The following SPON1 variants were observed in gnomAD, a reference collection of about 807,000 sequenced individuals.
SPON1 encodes the protein spondin-1.
Under a neutral mutation model 111.7 loss-of-function variants are expected in SPON1, and 52 were observed. The observed-to-expected ratio is 0.47, with a 90% CI of 0.37 to 0.59. SPON1 has a LOEUF of 0.59. SPON1 is among the 20% of genes least tolerant of loss of function. The pLI is 0.00. For missense variants in SPON1, 957 were observed against 1,068.5 expected (o/e 0.90, Z 1.46); for synonymous variants, 410 against 395.8 (o/e 1.04, Z -0.43).
chr11:14,041,287 A>C (rs1335887721), intron 2 of SPON1, among the ~76,000 whole-genome samples: 2 of 152,138 alleles, frequency 1.3e-5, no homozygotes, highest in Non-Finnish European at 2.9e-5. Flanking sequence ...CTGACACAAG[A>C]TTTGGTCCCA....
At chr11:14,221,524 G>A (rs1848680572) in intron 6 of SPON1, among the ~76,000 whole-genome samples, 1 of 152,216 alleles carries the variant, frequency 6.6e-6, no homozygotes, top group Non-Finnish European at 1.5e-5. Flanking sequence ...ACAGTGTGAT[G>A]AATGGGATAC....
In SPON1 at chr11:14,197,371, G is replaced by A. The variant is rs192161836; in HGVS notation, c.826-45961G>A. ...GGGCCCCACTTTGCCCTCAGTGCCC[G>A]AAAGCACAGGACTAAATTTAAGGCT... On this transcript the variant is annotated intron_variant, in intron 6 of 15. Coordinates refer to ENST00000576479, the MANE Select transcript of SPON1 (RefSeq NM_006108.4). 8.4e-3 allele frequency among the ~76,000 whole-genome samples: 1,280 copies of A among 152,046 alleles called. 16 individuals are homozygous for A. The highest frequency in any genetic ancestry group is 0.03 in the African/African-American group (1,233 of 41,460).
chr11:14,043,649 T>G (rs1186669003), intron 3 of SPON1, among the ~76,000 whole-genome samples: 3 of 152,192 alleles, frequency 2.0e-5, no homozygotes, highest in East Asian at 1.9e-4. Flanking sequence ...GCTGAAAATG[T>G]CAGATCTATG....
chr11:14,108,702 CCAGA>C (rs1160905858), intron 5 of SPON1, among the ~76,000 whole-genome samples: 53 of 151,642 alleles, frequency 3.5e-4, no homozygotes, highest in African/African-American at 1.2e-3. Context: ...CAGCAGCCAA[CCAGA>C]CAAACACATG....
At chr11:14,152,330 A>C (rs1847797831) in intron 6 of SPON1, among the ~76,000 whole-genome samples, 1 of 152,170 alleles carries the variant, frequency 6.6e-6, no homozygotes, top group Non-Finnish European at 1.5e-5. Flanking sequence ...CAGTTACAGT[A>C]CTTCTTAATT....
At chr11:14,041,920 G>A (rs986705625) in intron 3 of SPON1, among the ~76,000 whole-genome samples, 4 of 152,170 alleles carry the variant, frequency 2.6e-5, no homozygotes, top group Non-Finnish European at 4.4e-5. Flanking sequence ...GGCTGGTTAA[G>A]AAAAATTACA....
At position 14,132,193 on chromosome 11, in the gene SPON1, G is replaced by A. The variant is rs140935425; in HGVS notation, c.677-3227G>A. Among the ~76,000 whole-genome samples the A allele has an allele frequency of 6.9e-3, 1,046 of 152,090 alleles. 11 individuals are homozygous for A. The highest frequency in any genetic ancestry group is 0.024 in the African/African-American group (1,008 of 41,468). On this transcript the variant is annotated intron_variant, in intron 5 of 15. Transcript: ENST00000576479. ...CTAGGGAGGCTGAGGCAAGAGAATC[G>A]CTTGAACCTGGGAGGCAGAGGTTGC...
chr11:14,001,309 C>T (rs1848315661), intron 2 of SPON1, among the ~76,000 whole-genome samples: 1 of 152,140 alleles, frequency 6.6e-6, no homozygotes, highest in African/African-American at 2.4e-5. Context: ...AATTTTAACC[C>T]CAGGAGCCCT....
intron 5 of SPON1, among the ~76,000 whole-genome samples, chr11:14,086,389 A>T (rs140166101): frequency 0.1 from 15,706 of 152,270 alleles, 885 homozygotes; most frequent in Middle Eastern, 0.14. Flanking sequence ...CTTTTTCTGC[A>T]TCTATTGAGA....
At chr11:13,981,827 T>C (rs575907528) in intron 1 of SPON1, among the ~76,000 whole-genome samples, 2 of 152,282 alleles carry the variant, frequency 1.3e-5, no homozygotes, top group East Asian at 3.9e-4. Flanking sequence ...TCCTTCCCTC[T>C]TGTGGTTCCA....
At chr11:14,018,891 C>G (rs919702681) in intron 2 of SPON1, among the ~76,000 whole-genome samples, 3 of 152,292 alleles carry the variant, frequency 2.0e-5, no homozygotes, top group Admixed American at 6.5e-5. Context: ...CATGAAGAGC[C>G]TGGTAATAGC....
intron 2 of SPON1, among the ~76,000 whole-genome samples, chr11:14,021,054 A>T (rs1428941742): frequency 6.6e-6 from 1 of 152,198 alleles, no homozygotes; most frequent in African/African-American, 2.4e-5. Context: ...GAGGTTACAG[A>T]ATATCACGAT....
rs534347246 is a variant in SPON1 at position 14,125,414 on chromosome 11, A to G, written c.677-10006A>G. Among the ~76,000 whole-genome samples the G allele has an allele frequency of 6.6e-5, 10 of 152,318 alleles. No individual in the cohort carries two copies. The East Asian group carries it at 1.9e-3, about 29-fold the overall frequency. On this transcript the variant is annotated intron_variant, in intron 5 of 15. Transcript: ENST00000576479. ...GACCAGTTCATCTACTAAGAAATAA[A>G]AGGAGGAGGGGAGCCTAGAACTTAG...
intron 5 of SPON1, among the ~76,000 whole-genome samples, chr11:14,130,685 C>T (rs1374110891): frequency 6.6e-6 from 1 of 151,856 alleles, no homozygotes; most frequent in Non-Finnish European, 1.5e-5. Flanking sequence ...AATAATTTAT[C>T]ACCCCTGATT....
chr11:14,139,635 T>A (rs1374954528), intron 6 of SPON1, among the ~76,000 whole-genome samples: 1 of 151,948 alleles, frequency 6.6e-6, no homozygotes, highest in Non-Finnish European at 1.5e-5. Flanking sequence ...GCATTGGAGA[T>A]GCAGCAGTAA....
chr11:14,044,249 G>A (rs1050200443), intron 3 of SPON1, among the ~76,000 whole-genome samples: 19 of 151,932 alleles, frequency 1.3e-4, no homozygotes, highest in South Asian at 8.4e-4. Context: ...CATTCACCTC[G>A]TAAAATTTCA....
In SPON1 at chr11:14,253,588, C is replaced by T. The variant is rs574842622; in HGVS notation, c.891-940C>T. ...AGAAGCAGCTGGTCCCAACAGAGGG[C>T]ACAGGGACTTCCAGACAGCTGAGGC... On this transcript the variant is annotated intron_variant, in intron 7 of 15. Transcript: ENST00000576479. Among the ~76,000 whole-genome samples the T allele has an allele frequency of 5.9e-5, 9 of 152,336 alleles. No individual in the cohort carries two copies. In the South Asian group the frequency reaches 1.9e-3, roughly 32 times the overall value.
intron 6 of SPON1, among the ~76,000 whole-genome samples, chr11:14,199,829 C>T (rs1848442320): frequency 6.6e-6 from 1 of 152,226 alleles, no homozygotes; most frequent in Non-Finnish European, 1.5e-5. Context: ...TGGGGAACCC[C>T]TGCCTTAGAG....
Position 13,963,033 on chromosome 11 carries a change from C to T in SPON1, c.129C>T (p.Tyr43=). The change falls in exon 1 of 16, where the codon TAC becomes TAT. Residue 43 remains tyrosine, a synonymous_variant. Transcript: ENST00000576479. ...ACAAAGTGCCCAAGTCAGAGGGCTA[C>T]TGCAGCCGTATCCTGCGCGCCCAGG... ...TLDKVPKSEG[Y]CSRILRAQGT... 1.9e-6 allele frequency: 3 copies of T among 1,588,356 alleles called. No homozygotes were observed. The highest frequency in any genetic ancestry group is 2.6e-6 in the Non-Finnish European group (3 of 1,168,706).
Sources: allele counts gnomAD v4.1 joint callset (sites outside exome capture counted in the v4.1 genomes callset), GRCh38; gene constraint gnomAD v4.1.1; transcripts MANE v1.5; gene names NCBI Gene and HGNC (gene_info 2026-07-23, HGNC 2026-07-21).